TMPRSS15: variants seen among roughly 807,000 people sequenced by gnomAD.
TMPRSS15 encodes the protein enteropeptidase.
TMPRSS15 carries 128 observed loss-of-function variants against 125.3 expected under a neutral mutation model. That is an observed-to-expected ratio of 1.02 (90% CI 0.89 to 1.18). TMPRSS15 has a LOEUF of 1.18. Ranked by LOEUF, TMPRSS15 falls within the 50% of genes most tolerant of loss-of-function variation. The pLI, the probability that TMPRSS15 is intolerant of heterozygous loss-of-function variation, is 0.00. For missense variants in TMPRSS15, 1,283 were observed against 1,212.7 expected (o/e 1.06, Z -0.86); for synonymous variants, 446 against 423.2 (o/e 1.05, Z -0.66).
intron 1 of TMPRSS15, among the ~76,000 whole-genome samples, chr21:18,430,729 T>A (rs2076215010): frequency 2.6e-5 from 4 of 152,138 alleles, no homozygotes. Context: ...ATACAAGTAA[T>A]CATGAGACAC....
At chr21:18,282,976 T>G (rs1244355217) in intron 21 of TMPRSS15, among the ~76,000 whole-genome samples, 1 of 152,156 alleles carries the variant, frequency 6.6e-6, no homozygotes, top group East Asian at 1.9e-4. Flanking sequence ...GGAAGTTATC[T>G]CTGCTCCTAG....
At position 18,422,643 on chromosome 21, in the gene TMPRSS15, T is replaced by G. The variant is rs939345491; in HGVS notation, c.11-24314A>C. ...TACAATTATTCCCATTTATGAGATG[T>G]GGAAACTGAGGCACAAAGCATTTAA... is the stretch of plus-strand genomic sequence containing the variant. On this transcript the variant is annotated intron_variant, in intron 1 of 7. Transcript: ENST00000422787. 2.0e-5 allele frequency among the ~76,000 whole-genome samples: 3 copies of G among 152,322 alleles called. No individual in the cohort carries two copies. In the East Asian group the frequency reaches 5.8e-4, roughly 29 times the overall value.
intron 8 of TMPRSS15, among the ~76,000 whole-genome samples, chr21:18,354,335 A>G (rs2075603099): frequency 6.6e-6 from 1 of 151,798 alleles, no homozygotes; most frequent in Admixed American, 6.6e-5. Context: ...CGACCTCAAA[A>G]TAATACCAGG....
Position 18,294,254 on chromosome 21 carries a change from T to C in TMPRSS15, c.2486+16A>G, listed in dbSNP as rs2074873059. 2 of 1,613,818 alleles carry C rather than the reference T, an allele frequency of 1.2e-6. No individual in the cohort carries two copies. Among genetic ancestry groups the C allele is most frequent in the Admixed American group, 3.3e-5 (2 of 59,994 alleles). On this transcript the variant is annotated intron_variant, in intron 21 of 24. Transcript: ENST00000284885. ...GGTGACCTAGTTTGGGAAGGGACACTTGACATCACACTCACCCATACACGC... is the reference window on the plus strand; with the variant it reads ...GGTGACCTAGTTTGGGAAGGGACACCTGACATCACACTCACCCATACACGC...
intron 1 of TMPRSS15, among the ~76,000 whole-genome samples, chr21:18,444,788 T>C (rs13052157): frequency 0.81 from 123,339 of 152,042 alleles, 50,841 homozygotes; most frequent in Middle Eastern, 0.92. Context: ...TGCAATGGAA[T>C]GCCAGAACAT....
At chr21:18,270,368 A>T (rs1422905603) in intron 24 of TMPRSS15, among the ~76,000 whole-genome samples, 1 of 152,152 alleles carries the variant, frequency 6.6e-6, no homozygotes, top group Non-Finnish European at 1.5e-5. Context: ...TTTTAGTAAA[A>T]GTTTCTCCAC....
chr21:18,440,229 C>A (rs563730356), intron 1 of TMPRSS15, among the ~76,000 whole-genome samples: 7 of 150,908 alleles, frequency 4.6e-5, no homozygotes, highest in Non-Finnish European at 7.4e-5. Flanking sequence ...AAAAATTAGC[C>A]GGGCATGGTG....
intron 10 of TMPRSS15, among the ~76,000 whole-genome samples, chr21:18,348,246 C>A (rs1330944498): frequency 2.0e-5 from 3 of 152,048 alleles, no homozygotes; most frequent in African/African-American, 7.3e-5. Context: ...GTAATGATCT[C>A]TTTTTTGAAC....
intron 1 of TMPRSS15, among the ~76,000 whole-genome samples, chr21:18,441,354 C>A (rs2076241024): frequency 6.6e-6 from 1 of 151,848 alleles, no homozygotes; most frequent in African/African-American, 2.4e-5. Context: ...CACCTGTAAT[C>A]CCAGCACTTT....
chr21:18,340,061 G>C (rs1402261414), intron 13 of TMPRSS15, among the ~76,000 whole-genome samples: 1 of 152,164 alleles, frequency 6.6e-6, no homozygotes, highest in East Asian at 1.9e-4. Context: ...AGTTAATATT[G>C]AATGCCAGCT....
At chr21:18,371,322 G>C (rs2075789994) in intron 6 of TMPRSS15, among the ~76,000 whole-genome samples, 1 of 152,122 alleles carries the variant, frequency 6.6e-6, no homozygotes, top group Admixed American at 6.5e-5. Flanking sequence ...GCAGGTAGTT[G>C]AAACTGTGGA....
rs1259996672 is a variant in TMPRSS15, at chr21:18,341,428, G to A, written c.1549C>T (p.Pro517Ser). The A allele has an allele frequency of 3.7e-6, 6 of 1,613,996 alleles. No individual in the cohort carries two copies. Among genetic ancestry groups the A allele is most frequent in the Non-Finnish European group, 5.1e-6 (6 of 1,180,008 alleles). Residue 517 changes from proline (P) to serine (S), a missense_variant, in exon 13 of 25, where the codon CCA (proline) becomes TCA (serine). Transcript: ENST00000284885. ...YPEPTLVPTP[P>S]PELPTDCGGP... Reference sequence around the variant, plus strand: ...GGTTACTTACTAGGAAGTTCTGGTGGAGGAGTTGGCACCAAAGTTGGTTCT... The same window carrying A: ...GGTTACTTACTAGGAAGTTCTGGTGAAGGAGTTGGCACCAAAGTTGGTTCT...
chr21:18,386,357 T>C (rs2075943859), intron 3 of TMPRSS15, among the ~76,000 whole-genome samples: 1 of 152,176 alleles, frequency 6.6e-6, no homozygotes, highest in Non-Finnish European at 1.5e-5. Flanking sequence ...AACAACACTT[T>C]TATCAATTCT....
intron 3 of TMPRSS15, among the ~76,000 whole-genome samples, chr21:18,385,402 C>A (rs560701295): frequency 2.6e-5 from 4 of 152,118 alleles, no homozygotes; most frequent in Non-Finnish European, 4.4e-5. Context: ...CTTCTTTAAC[C>A]ATTCTTTATA....
chr21:18,348,926 A>G (rs943701786), intron 10 of TMPRSS15, among the ~76,000 whole-genome samples: 9 of 152,172 alleles, frequency 5.9e-5, no homozygotes, highest in African/African-American at 2.2e-4. Flanking sequence ...AATGTTTATT[A>G]CATGCCTTTA....
At chr21:18,373,577 T>C (rs1373064802) in intron 5 of TMPRSS15, among the ~76,000 whole-genome samples, 1 of 152,256 alleles carries the variant, frequency 6.6e-6, no homozygotes, top group Admixed American at 6.5e-5. Context: ...ATCTCATACA[T>C]GCTTTATAAA....
chr21:18,292,074 T>C (rs1247626312), intron 21 of TMPRSS15, among the ~76,000 whole-genome samples: 3 of 152,158 alleles, frequency 2.0e-5, no homozygotes, highest in African/African-American at 7.2e-5. Context: ...CAATGGAAAG[T>C]CCAAATGTAT....
chr21:18,424,965 GAA>G (rs2076199620), intron 1 of TMPRSS15, among the ~76,000 whole-genome samples: 4 of 148,736 alleles, frequency 2.7e-5, no homozygotes, highest in African/African-American at 9.8e-5. Context: ...TCATATGTAT[GAA>G]TACATATGAT....
chr21:18,472,793 T>G (rs1426945262), intron 1 of TMPRSS15, among the ~76,000 whole-genome samples: 2 of 152,096 alleles, frequency 1.3e-5, no homozygotes, highest in Non-Finnish European at 2.9e-5. Context: ...ATGGACATAT[T>G]TGAAGTTAGG....
Sources: allele counts gnomAD v4.1 joint callset (sites outside exome capture counted in the v4.1 genomes callset), GRCh38; gene constraint gnomAD v4.1.1; transcripts MANE v1.5; gene names NCBI Gene and HGNC (gene_info 2026-07-23, HGNC 2026-07-21).